The following SVEP1 variants were observed in gnomAD, a reference collection of about 807,000 sequenced individuals.
SVEP1 encodes sushi, von Willebrand factor type A, EGF and pentraxin domain-containing protein 1.
A neutral mutation model predicts 367.3 loss-of-function variants in SVEP1; 164 were observed. The observed-to-expected ratio is 0.45, with a 90% CI of 0.39 to 0.51. The LOEUF (loss-of-function observed/expected upper bound fraction) is 0.51, where lower values mean the gene tolerates loss of function less well. Ranked by LOEUF, SVEP1 falls within the 20% of genes least tolerant of loss-of-function variation. The pLI is 0.00. For missense variants in SVEP1, 4,117 were observed against 4,425.3 expected (o/e 0.93, Z 1.98); for synonymous variants, 1,666 against 1,611.6 (o/e 1.03, Z -0.81).
chr9:110,491,180 A>G (rs1355487440), intron 8 of SVEP1, among the ~76,000 whole-genome samples: 2 of 151,914 alleles, frequency 1.3e-5, no homozygotes, highest in East Asian at 3.9e-4. Context: ...ATTTTATTAA[A>G]TATTTTGATT....
intron 22 of SVEP1, 21 bp from the exon 23 acceptor site, chr9:110,451,423 T>C (rs1389309237): frequency 1.9e-6 from 3 of 1,599,360 alleles, no homozygotes; most frequent in South Asian, 2.2e-5. Flanking sequence ...TCATTCATCT[T>C]TGAGCTGGAG....
At chr9:110,412,020 T>G (rs1010648840) in intron 36 of SVEP1, among the ~76,000 whole-genome samples, 2 of 152,176 alleles carry the variant, frequency 1.3e-5, no homozygotes, top group African/African-American at 4.8e-5. Flanking sequence ...ATCAAATGAC[T>G]TGCATTTGAG....
At chr9:110,403,304 T>TGTTTTTTTG (rs1588035930) in intron 39 of SVEP1, among the ~76,000 whole-genome samples, 1 of 127,694 alleles carries the variant, frequency 7.8e-6, no homozygotes, top group African/African-American at 3.2e-5. Context: ...CCGTTTTTTT[T>TGTTTTTTTG]TTTTTTTTTT....
rs569392336 is a variant in SVEP1, at chr9:110,454,990, C to G, written c.3787+600G>C. Among the ~76,000 whole-genome samples, 4 of 152,158 alleles carry G rather than the reference C, an allele frequency of 2.6e-5. No individual in the cohort carries two copies. In the East Asian group the frequency reaches 5.8e-4, roughly 22 times the overall value. Reference sequence around the variant, plus strand: ...AAATTATTTAAGTCATAAATAAAGACAAAGATTTTGAATGCTAAAAAATAA... The same window carrying G: ...AAATTATTTAAGTCATAAATAAAGAGAAAGATTTTGAATGCTAAAAAATAA... On this transcript the variant is annotated intron_variant, in intron 22 of 47. Transcript: ENST00000374469.
intron 1 of SVEP1, among the ~76,000 whole-genome samples, chr9:110,552,596 G>T (rs770650668): frequency 7.9e-5 from 12 of 152,074 alleles, no homozygotes; most frequent in Non-Finnish European, 1.3e-4. Context: ...GGAGTGATGG[G>T]AGACAGGGAC....
intron 18 of SVEP1, among the ~76,000 whole-genome samples, chr9:110,463,902 G>C (rs1828897964): frequency 1.3e-5 from 2 of 152,090 alleles, no homozygotes; most frequent in African/African-American, 4.8e-5. Context: ...ATGACAAGCA[G>C]AGTGTGGTTA....
chr9:110,449,134 G>T (rs1056551318), intron 24 of SVEP1, among the ~76,000 whole-genome samples: 3 of 152,182 alleles, frequency 2.0e-5, no homozygotes, highest in Non-Finnish European at 4.4e-5. Flanking sequence ...CCTGCAAAGA[G>T]TGGGGGATGG....
At chr9:110,564,142 TGCTTAG>T (rs1830462520) in intron 1 of SVEP1, among the ~76,000 whole-genome samples, 2 of 152,282 alleles carry the variant, frequency 1.3e-5, no homozygotes, top group African/African-American at 4.8e-5. Flanking sequence ...TTTAATGCTA[TGCTTAG>T]GCTTAGCCAG....
intron 34 of SVEP1, among the ~76,000 whole-genome samples, chr9:110,429,577 G>A (rs897862041): frequency 6.6e-6 from 1 of 151,976 alleles, no homozygotes; most frequent in Non-Finnish European, 1.5e-5. Flanking sequence ...TCATGGATTA[G>A]TAACTACAAA....
At chr9:110,446,825 C>A in intron 25 of SVEP1, 75 bp downstream of exon 25, 1 of 1,337,320 alleles carries the variant, frequency 7.5e-7, no homozygotes, top group Admixed American at 3.1e-5. Flanking sequence ...CTGCTTGGTG[C>A]AGGCAAAATT....
intron 3 of SVEP1, among the ~76,000 whole-genome samples, chr9:110,526,779 G>T (rs181591988): frequency 6.6e-6 from 1 of 152,078 alleles, no homozygotes; most frequent in Non-Finnish European, 1.5e-5. Flanking sequence ...AAACAATCCA[G>T]ATGTCCTTCA....
At chr9:110,413,984 A>T (rs1189329192) in intron 36 of SVEP1, among the ~76,000 whole-genome samples, 2 of 152,192 alleles carry the variant, frequency 1.3e-5, no homozygotes, top group East Asian at 3.9e-4. Flanking sequence ...ACTTGCCTGA[A>T]GTCACACAGC....
At chr9:110,415,321 C>T (rs1828102448) in intron 36 of SVEP1, among the ~76,000 whole-genome samples, 2 of 151,926 alleles carry the variant, frequency 1.3e-5, no homozygotes, top group African/African-American at 4.8e-5. Context: ...GAGGAAAACT[C>T]GGTGAGACAG....
intron 25 of SVEP1, among the ~76,000 whole-genome samples, chr9:110,446,333 G>T (rs995451408): frequency 2.5e-4 from 38 of 152,204 alleles, no homozygotes; most frequent in African/African-American, 8.4e-4. Context: ...AGATACTAAA[G>T]CATGTCTGTA....
At chr9:110,386,104 A>C in intron 42 of SVEP1, 30 bp from the exon 43 acceptor site, 2 of 1,591,884 alleles carry the variant, frequency 1.3e-6, no homozygotes, top group East Asian at 2.3e-5. Context: ...ATGCTTACTG[A>C]TATTTCCCCT....
chr9:110,423,572 C>T (rs2781268), intron 36 of SVEP1, among the ~76,000 whole-genome samples: 129,367 of 152,072 alleles, frequency 0.85, 55,584 homozygotes, highest in African/African-American at 0.97. Context: ...AAGGCAGAAA[C>T]ATTAAGTATG....
chr9:110,372,243 A>G (rs1827289316), intron 46 of SVEP1, among the ~76,000 whole-genome samples: 1 of 152,188 alleles, frequency 6.6e-6, no homozygotes, highest in South Asian at 2.1e-4. Context: ...TAGTTTACCC[A>G]TTTCACTGTT....
chr9:110,513,077 G>T lies in SVEP1; in HGVS notation c.1152C>A (p.Pro384=), dbSNP rs61998196. The T allele has an allele frequency of 1.2e-6, 2 of 1,613,802 alleles. No individual in the cohort carries two copies. The highest frequency in any genetic ancestry group is 2.2e-5 in the South Asian group (2 of 91,070). ...ELVHCPALKP[P]ENGYFIQNTC... The stretch of plus-strand genomic sequence containing the variant: ...TGTTTTGGATAAAGTAACCATTTTC[G>T]GGAGGCTTCAGGGCAGGGCAGTGGA... Residue 384 remains proline, a synonymous_variant, in exon 5 of 48, where the codon CCC becomes CCA. Coordinates refer to ENST00000374469, the MANE Select transcript of SVEP1 (RefSeq NM_153366.4).
At chr9:110,417,282 G>A (rs1328043550) in intron 36 of SVEP1, among the ~76,000 whole-genome samples, 2 of 139,914 alleles carry the variant, frequency 1.4e-5, no homozygotes, top group East Asian at 2.1e-4. Flanking sequence ...GCCGAAGCAG[G>A]GCGAGGCATT....
Sources: allele counts gnomAD v4.1 joint callset (sites outside exome capture counted in the v4.1 genomes callset), GRCh38; gene constraint gnomAD v4.1.1; transcripts MANE v1.5; gene names NCBI Gene and HGNC (gene_info 2026-07-23, HGNC 2026-07-21).